The following SPATS1 variants were observed in gnomAD, a reference collection of about 807,000 sequenced individuals.
SPATS1 encodes the protein spermatogenesis-associated serine-rich protein 1.
A neutral mutation model predicts 33.6 loss-of-function variants in SPATS1; 23 were observed. That is an observed-to-expected ratio of 0.68 (90% CI 0.49 to 0.97). SPATS1 has a LOEUF of 0.97. Among genes scored for constraint, SPATS1 ranks in the 50% least tolerant of loss-of-function variants. SPATS1 has a pLI of 0.00. For missense variants in SPATS1, 327 were observed against 361.0 expected (o/e 0.91, Z 0.76); for synonymous variants, 131 against 125.6 (o/e 1.04, Z -0.29).
chr6:44,370,770 T>A (rs1468058187), intron 7 of SPATS1, among the ~76,000 whole-genome samples: 1 of 152,174 alleles, frequency 6.6e-6, no homozygotes, highest in Non-Finnish European at 1.5e-5. Context: ...TTATGTTGCA[T>A]TGTTACTTAT....
At chr6:44,370,411 A>T (rs1453755238) in intron 7 of SPATS1, among the ~76,000 whole-genome samples, 1 of 152,208 alleles carries the variant, frequency 6.6e-6, no homozygotes, top group African/African-American at 2.4e-5. Context: ...CCTGATTCCT[A>T]GAACATGAGT....
At chr6:44,363,985 T>A (rs1165696375) in intron 5 of SPATS1, among the ~76,000 whole-genome samples, 1 of 152,208 alleles carries the variant, frequency 6.6e-6, no homozygotes, top group Non-Finnish European at 1.5e-5. Flanking sequence ...CATATTTTTT[T>A]AAAGAAAAAC....
chr6:44,357,538 A>G (rs754325158), intron 3 of SPATS1, among the ~76,000 whole-genome samples: 11 of 152,084 alleles, frequency 7.2e-5, no homozygotes, highest in Non-Finnish European at 1.2e-4. Flanking sequence ...GCATGCCACC[A>G]CACCTGGCTA....
chr6:44,358,470 GT>G (rs1287943081), intron 3 of SPATS1, among the ~76,000 whole-genome samples: 4 of 151,972 alleles, frequency 2.6e-5, no homozygotes, highest in African/African-American at 9.7e-5. Context: ...TTATTTCTTC[GT>G]CTTCTTTACA....
In SPATS1 at chr6:44,378,664, G is replaced by A. The variant is rs111642312; in HGVS notation, c.*1601G>A. 9,456 of 152,350 alleles carry A rather than the reference G, an allele frequency of 0.062. 560 individuals are homozygous for A. Among genetic ancestry groups the A allele is most frequent in the African/African-American group, 0.16 (6,448 of 41,466 alleles). 9.4% of individuals were successfully genotyped at this position (152,350 alleles called of 1,614,324 possible). A position where few individuals can be genotyped will look rare whatever the true frequency, so the allele number is the denominator to read the frequency against. ...TGGGCACCTGTAATCCCTGGTACTC[G>A]GGAGGCTGAGGCAGGAGAATCTCTT... On this transcript the variant is annotated 3_prime_UTR_variant, in exon 9 of 9. Coordinates refer to ENST00000674044, the MANE Select transcript of SPATS1 (RefSeq NM_001372081.1).
chr6:44,369,096 C>G (rs531158013), intron 6 of SPATS1, among the ~76,000 whole-genome samples: 2 of 151,968 alleles, frequency 1.3e-5, no homozygotes, highest in African/African-American at 4.8e-5. Flanking sequence ...CGGGGTTTCA[C>G]CATGTTAGCC....
chr6:44,353,824 T>G (rs973953912), intron 3 of SPATS1, among the ~76,000 whole-genome samples: 5 of 143,502 alleles, frequency 3.5e-5, no homozygotes, highest in African/African-American at 1.1e-4. Context: ...GATCACGAGG[T>G]CAGGAGATCA....
intron 7 of SPATS1, among the ~76,000 whole-genome samples, chr6:44,374,174 T>C (rs898568681): frequency 1.3e-5 from 2 of 152,232 alleles, no homozygotes; most frequent in African/African-American, 4.8e-5. Flanking sequence ...TTTCCACATG[T>C]GCTTGAAAAG....
chr6:44,362,666 G>A (rs149506490), intron 5 of SPATS1, among the ~76,000 whole-genome samples: 8 of 152,290 alleles, frequency 5.3e-5, no homozygotes, highest in Non-Finnish European at 8.8e-5. Flanking sequence ...AGAGAAAGAA[G>A]TAGACTGTTC....
intron 3 of SPATS1, among the ~76,000 whole-genome samples, chr6:44,356,305 A>G (rs193086073): frequency 1.1e-4 from 16 of 152,252 alleles, no homozygotes; most frequent in Admixed American, 1.0e-3. Context: ...TACTCCATCT[A>G]TATTACCATG....
At chr6:44,366,990 A>G (rs908639598) in intron 5 of SPATS1, among the ~76,000 whole-genome samples, 2 of 152,206 alleles carry the variant, frequency 1.3e-5, no homozygotes, top group Non-Finnish European at 2.9e-5. Flanking sequence ...GACAGACTCC[A>G]AAGTCCAAAC....
intron 2 of SPATS1, among the ~76,000 whole-genome samples, chr6:44,343,791 G>T (rs1490138390): frequency 1.3e-5 from 2 of 152,186 alleles, no homozygotes; most frequent in African/African-American, 4.8e-5. Context: ...TCATGGCGCT[G>T]AACAGCCACA....
In SPATS1 at chr6:44,349,983, G is replaced by C. The variant is rs149934441; in HGVS notation, c.140-2743G>C. Among the ~76,000 whole-genome samples the C allele has an allele frequency of 4.2e-3, 642 of 152,232 alleles. 3 individuals carry two copies. The highest frequency in any genetic ancestry group is 0.01 in the Middle Eastern group (3 of 294). The stretch of plus-strand genomic sequence containing the variant: ...TTCTTCCTTTGGTTACTGGGGACCC[G>C]TCTCCTCATCCTCACCTGCTGCTTG... On this transcript the variant is annotated intron_variant, in intron 2 of 8. Coordinates refer to ENST00000674044, the MANE Select transcript of SPATS1 (RefSeq NM_001372081.1).
chr6:44,376,764 G>A (rs1479734141), intron 8 of SPATS1, among the ~76,000 whole-genome samples: 1 of 152,182 alleles, frequency 6.6e-6, no homozygotes, highest in Non-Finnish European at 1.5e-5. Context: ...TGTGCCACTT[G>A]CACTCCAGCC....
chr6:44,347,411 T>C (rs965116337), intron 2 of SPATS1, among the ~76,000 whole-genome samples: 1 of 152,198 alleles, frequency 6.6e-6, no homozygotes, highest in African/African-American at 2.4e-5. Flanking sequence ...CTCACTCTTT[T>C]TTCTTTCTAT....
chr6:44,359,322 A>G (rs1375731124), intron 3 of SPATS1, among the ~76,000 whole-genome samples: 3 of 152,188 alleles, frequency 2.0e-5, no homozygotes. Context: ...ATGTTGTGTA[A>G]CCATCACCAT....
intron 7 of SPATS1, among the ~76,000 whole-genome samples, chr6:44,376,051 A>T (rs1007111038): frequency 6.6e-6 from 1 of 151,846 alleles, no homozygotes; most frequent in Non-Finnish European, 1.5e-5. Context: ...GGTTGCAGTG[A>T]GCTGAGATTG....
intron 2 of SPATS1, among the ~76,000 whole-genome samples, chr6:44,346,554 T>C (rs1340052793): frequency 1.3e-5 from 2 of 152,032 alleles, no homozygotes; most frequent in Non-Finnish European, 2.9e-5. Context: ...CAGCTAACTT[T>C]TTAGTTTTTT....
At chr6:44,343,588 C>A in intron 2 of SPATS1, 1 of 447,224 alleles carries the variant, frequency 2.2e-6, no homozygotes, top group Admixed American at 2.6e-5. Context: ...CATGAGTCTG[C>A]CATACTTTCG....
Sources: gnomAD v4.1 joint callset for allele counts (sites outside exome capture counted in the v4.1 genomes callset) on GRCh38, gnomAD v4.1.1 for gene constraint, MANE v1.5 for transcripts, NCBI Gene and HGNC (gene_info 2026-07-23, HGNC 2026-07-21) for gene names.